CEP192: variants seen among roughly 807,000 people sequenced by gnomAD.
CEP192 encodes centrosomal protein 192.
CEP192 carries 151 observed loss-of-function variants against 271.8 expected under a neutral mutation model. That is an observed-to-expected ratio of 0.56 (90% confidence interval 0.49 to 0.64). The LOEUF is 0.64. Ranked by LOEUF, CEP192 falls within the 30% of genes least tolerant of loss-of-function variation. The probability of loss-of-function intolerance (pLI) is 0.00; values close to 1 mark genes in which losing one functional copy is unlikely to be tolerated. For synonymous variants in CEP192, 995 were observed against 1,076.5 expected, an observed-to-expected ratio of 0.92 and a Z score of 1.48; for missense variants, 2,910 against 3,020.5, an observed-to-expected ratio of 0.96 and a Z score of 0.86.
intron 9 of CEP192, among the ~76,000 whole-genome samples, chr18:13,019,494 G>C (rs556148270): frequency 6.6e-6 from 1 of 152,186 alleles, no homozygotes; most frequent in Admixed American, 6.5e-5. Flanking sequence ...CTTTTACCTT[G>C]CTCAAACATG....
chr18:13,046,829 CTT>C (rs574030180), intron 15 of CEP192, among the ~76,000 whole-genome samples: 19 of 122,366 alleles, frequency 1.6e-4, no homozygotes, highest in Admixed American at 1.1e-3. Flanking sequence ...AATATCCTTA[CTT>C]TTTTTTTTTT....
At chr18:13,031,485 G>GATC (rs1040954882) in intron 11 of CEP192, among the ~76,000 whole-genome samples, 2 of 151,942 alleles carry the variant, frequency 1.3e-5, no homozygotes, top group African/African-American at 4.8e-5. Flanking sequence ...CTGACCTCGT[G>GATC]ATCTGCCCGC....
In CEP192 at chr18:13,049,657, C is replaced by G. The variant is rs770649147; in HGVS notation, c.2866C>G (p.Arg956Gly). The G allele has an allele frequency of 6.2e-7, 1 of 1,610,564 alleles. No homozygotes were observed. The highest frequency in any genetic ancestry group is 1.7e-5 in the Admixed American group (1 of 59,622). The change falls in exon 16 of 45, where the codon CGC becomes GGC. Residue 956 changes from arginine (R) to glycine (G), a missense_variant. Physicochemically the swap from Arg to Gly is moderately radical, Grantham distance 125. Transcript: ENST00000506447. The stretch of plus-strand genomic sequence containing the variant: ...GAAGCATGTGACTTTTGAAAACCAT[C>G]GCATAGTCTCACCTAAAAATAGTGG... ...SEKHVTFENH[R>G]IVSPKNSDLK...
intron 9 of CEP192, among the ~76,000 whole-genome samples, chr18:13,025,166 T>C (rs964353661): frequency 3.3e-5 from 5 of 152,186 alleles, no homozygotes; most frequent in African/African-American, 1.2e-4. Flanking sequence ...CCCCTATTTT[T>C]TTCTTTCAGT....
Position 13,064,579 on chromosome 18 carries a change from T to C in CEP192, c.4489-3252T>C, listed in dbSNP as rs970756718. 1.1e-4 allele frequency among the ~76,000 whole-genome samples: 16 copies of C among 142,988 alleles called. No homozygotes were observed. The East Asian group carries it at 2.5e-3, about 23-fold the overall frequency. 93.8% of individuals were successfully genotyped at this position (142,988 alleles called of 152,430 possible). ...GTGAGCCGAGATTGTGCCACTGCAC[T>C]CCAGCCTGGGCGACAGAGTGAGACT... On this transcript the variant is annotated intron_variant, in intron 21 of 44. Transcript: ENST00000506447.
chr18:13,093,319 A>G (rs1333128362), intron 34 of CEP192, among the ~76,000 whole-genome samples: 1 of 152,252 alleles, frequency 6.6e-6, no homozygotes, highest in African/African-American at 2.4e-5. Flanking sequence ...TTAAATGACA[A>G]AACAACAACA....
At chr18:13,046,826 T>G (rs1247759023) in intron 15 of CEP192, among the ~76,000 whole-genome samples, 1 of 144,672 alleles carries the variant, frequency 6.9e-6, no homozygotes, top group Non-Finnish European at 1.5e-5. Flanking sequence ...AAGAATATCC[T>G]TACTTTTTTT....
intron 38 of CEP192, among the ~76,000 whole-genome samples, chr18:13,102,154 C>T (rs1358738217): frequency 6.6e-6 from 1 of 152,110 alleles, no homozygotes; most frequent in Non-Finnish European, 1.5e-5. Flanking sequence ...GCTGGGGGCC[C>T]TTCTTTCCTC....
intron 30 of CEP192, among the ~76,000 whole-genome samples, chr18:13,081,885 G>C (rs1202432744): frequency 6.6e-6 from 1 of 152,188 alleles, no homozygotes; most frequent in South Asian, 2.1e-4. Flanking sequence ...TCAGGAGCAG[G>C]TTGTTCAGTT....
chr18:13,043,379 A>G (rs1370707267), intron 15 of CEP192, among the ~76,000 whole-genome samples: 1 of 151,966 alleles, frequency 6.6e-6, no homozygotes, highest in East Asian at 1.9e-4. Context: ...CCATGCTTTC[A>G]TTATTTCTCT....
At chr18:13,047,289 G>C (rs1225044170) in intron 15 of CEP192, among the ~76,000 whole-genome samples, 1 of 152,046 alleles carries the variant, frequency 6.6e-6, no homozygotes, top group East Asian at 1.9e-4. Context: ...TTTACTGCTG[G>C]GGTGTATCCC....
chr18:13,003,941 G>T (rs952312740), intron 3 of CEP192, among the ~76,000 whole-genome samples: 1 of 152,186 alleles, frequency 6.6e-6, no homozygotes, highest in Non-Finnish European at 1.5e-5. Flanking sequence ...ACAGTGAGAA[G>T]CTGGGGACAG....
chr18:13,049,198 G>A lies in CEP192; in HGVS notation c.2407G>A (p.Ala803Thr). The change falls in exon 16 of 45, where the codon GCT (alanine) becomes ACT (threonine). Residue 803 changes from alanine to threonine, a missense_variant. Transcript: ENST00000506447. ...AAGTGCATTGGAAAACTTTTCAAGGGCTAGTATGTCTGATACTTGGGATTT... is the reference window on the plus strand; with the variant it reads ...AAGTGCATTGGAAAACTTTTCAAGGACTAGTATGTCTGATACTTGGGATTT... ...YESALENFSR[A>T]SMSDTWDLSL... 6.2e-7 allele frequency: 1 copy of A among 1,613,964 alleles called. No individual in the cohort carries two copies. The highest frequency in any genetic ancestry group is 1.6e-4 in the Middle Eastern group (1 of 6,062).
intron 19 of CEP192, 48 bp from the exon 20 acceptor site, chr18:13,057,537 G>A: frequency 6.3e-7 from 1 of 1,597,438 alleles, no homozygotes; most frequent in Non-Finnish European, 8.6e-7. Flanking sequence ...CTTATAATCA[G>A]GGGTTTGCTG....
chr18:13,026,325 T>C (rs183538224), intron 9 of CEP192, among the ~76,000 whole-genome samples: 59 of 152,322 alleles, frequency 3.9e-4, no homozygotes, highest in Admixed American at 6.5e-4. Flanking sequence ...ATGATATGCT[T>C]AGGTGAAGTA....
rs749068074 is a variant in CEP192 at position 13,056,581 on chromosome 18, C to G, written c.3991C>G (p.Pro1331Ala). The G allele has an allele frequency of 2.5e-6, 4 of 1,614,168 alleles. No homozygotes were observed. The highest frequency in any genetic ancestry group is 3.4e-6 in the Non-Finnish European group (4 of 1,179,992). Reference protein sequence around the residue: ...GWMGTSSLCNPYSNTLNQNLL... With the variant: ...GWMGTSSLCNAYSNTLNQNLL... ...GATGGGTACCTCTTCCCTCTGTAAC[C>G]CATATTCTAATACCTTAAATCAGAA... is the stretch of plus-strand genomic sequence containing the variant. The change falls in exon 19 of 45, where the codon CCA becomes GCA. Residue 1331 changes from proline (P) to alanine (A), a missense_variant. Transcript: ENST00000506447.
At chr18:13,085,125 G>A (rs916343094) in intron 30 of CEP192, among the ~76,000 whole-genome samples, 1 of 151,836 alleles carries the variant, frequency 6.6e-6, no homozygotes, top group African/African-American at 2.4e-5. Context: ...GTGCCTGGTC[G>A]ATTTGCATTT....
chr18:13,124,556 C>T, intron 44 of CEP192, 76 bp from the exon 45 acceptor site: 2 of 1,415,200 alleles, frequency 1.4e-6, no homozygotes, highest in Non-Finnish European at 1.9e-6. Context: ...ACACCTGAGC[C>T]AGGCACTGTG....
intron 30 of CEP192, among the ~76,000 whole-genome samples, chr18:13,082,604 G>A (rs1455930911): frequency 4.6e-5 from 7 of 151,856 alleles, no homozygotes; most frequent in Non-Finnish European, 7.4e-5. Context: ...TTTAATTGGG[G>A]CATTTAGTCC....
Sources: allele counts gnomAD v4.1 joint callset (sites outside exome capture counted in the v4.1 genomes callset), GRCh38; gene constraint gnomAD v4.1.1; transcripts MANE v1.5; gene names NCBI Gene and HGNC (gene_info 2026-07-23, HGNC 2026-07-21).